MYT1L: variants seen among roughly 807,000 people sequenced by gnomAD.
MYT1L encodes myelin transcription factor 1 like.
A neutral mutation model predicts 126.7 loss-of-function variants in MYT1L; 12 were observed. The observed-to-expected ratio is 0.09, with a 90% CI of 0.06 to 0.15. The LOEUF (loss-of-function observed/expected upper bound fraction) is 0.15. Ranked by LOEUF, MYT1L falls within the 10% of genes least tolerant of loss-of-function variation. The probability of loss-of-function intolerance (pLI) is 1.00; values close to 1 mark genes in which losing one functional copy is unlikely to be tolerated. For missense variants in MYT1L, 979 were observed against 1,585.2 expected (o/e 0.62, Z 6.49); for synonymous variants, 541 against 604.2 (o/e 0.90, Z 1.53).
intron 2 of MYT1L, among the ~76,000 whole-genome samples, chr2:2,174,968 A>G (rs963444418): frequency 3.9e-5 from 6 of 152,088 alleles, no homozygotes; most frequent in African/African-American, 1.5e-4. Context: ...GGCACCTGAT[A>G]TGAATCCCCA....
intron 2 of MYT1L, among the ~76,000 whole-genome samples, chr2:2,243,139 G>T (rs1002129622): frequency 5.9e-5 from 9 of 152,182 alleles, no homozygotes; most frequent in Non-Finnish European, 1.3e-4. Flanking sequence ...CCTGAAGTTG[G>T]AAAACCAAAG....
In MYT1L at chr2:1,979,691, C is replaced by T. The variant is rs375886265; in HGVS notation, c.55+32G>A. 120 of 1,613,696 alleles carry T rather than the reference C, an allele frequency of 7.4e-5. No individual in the cohort carries two copies. The highest frequency in any genetic ancestry group is 1.6e-4 in the Middle Eastern group (1 of 6,062). ...CCGCAGGATGAAGGTGACCCTGAGC[C>T]GGCCTCAGGATGCAGGGAAGCGCGG... On this transcript the variant is annotated intron_variant, in intron 6 of 24. Transcript: ENST00000647738. This position sits in a 1 kb window ranked among gnomAD's most constrained non-coding sequence, Gnocchi z 4.0.
chr2:2,125,113 T>C (rs2147944265), intron 3 of MYT1L, among the ~76,000 whole-genome samples: 1 of 152,338 alleles, frequency 6.6e-6, no homozygotes, highest in Admixed American at 6.5e-5. Flanking sequence ...CCTCTCATCC[T>C]GCTTTTCTCT....
In MYT1L at chr2:1,902,372, G is replaced by A. The variant is rs80234801; in HGVS notation, c.2032+708C>T. ...ACAAGCCAGCAGGGGACGAAGCTAC[G>A]GCTCTGCCGGCAGCACCCCAGGCTG... On this transcript the variant is annotated intron_variant, in intron 14 of 24. Coordinates refer to ENST00000647738, the MANE Select transcript of MYT1L (RefSeq NM_001303052.2). Among the ~76,000 whole-genome samples, 1,226 of 152,300 alleles carry A rather than the reference G, an allele frequency of 8.0e-3. 16 individuals carry two copies. The highest frequency in any genetic ancestry group is 0.028 in the African/African-American group (1,180 of 41,554).
chr2:2,021,444 A>G (rs1359990533), intron 4 of MYT1L, among the ~76,000 whole-genome samples: 1 of 152,162 alleles, frequency 6.6e-6, no homozygotes, highest in Non-Finnish European at 1.5e-5. Flanking sequence ...TCTGGGGCCT[A>G]GTCCTTTCTG....
At chr2:1,995,861 G>A (rs1342392851) in intron 5 of MYT1L, among the ~76,000 whole-genome samples, 1 of 152,194 alleles carries the variant, frequency 6.6e-6, no homozygotes, top group Non-Finnish European at 1.5e-5. Context: ...GCCTAGGACT[G>A]CCCCAGGGGA....
At chr2:2,160,081 T>C (rs1266017906) in intron 3 of MYT1L, among the ~76,000 whole-genome samples, 2 of 152,130 alleles carry the variant, frequency 1.3e-5, no homozygotes, top group Admixed American at 6.5e-5. Flanking sequence ...ATCAACCTCA[T>C]GGGGTGTGGA....
intron 3 of MYT1L, among the ~76,000 whole-genome samples, chr2:2,054,977 T>C (rs920348124): frequency 1.3e-5 from 2 of 152,148 alleles, no homozygotes; most frequent in Non-Finnish European, 2.9e-5. Context: ...CAAGAGATGA[T>C]GAGATGCATG....
chr2:2,137,370 C>T (rs1475947021), intron 3 of MYT1L, among the ~76,000 whole-genome samples: 2 of 152,198 alleles, frequency 1.3e-5, no homozygotes. Context: ...AAAAAAGAGC[C>T]TGCATCACCA....
chr2:1,955,670 G>C (rs1268685152), intron 8 of MYT1L, among the ~76,000 whole-genome samples: 1 of 152,144 alleles, frequency 6.6e-6, no homozygotes, highest in Non-Finnish European at 1.5e-5. Flanking sequence ...TTTGCTCCAT[G>C]GTATCTCCCC....
intron 4 of MYT1L, among the ~76,000 whole-genome samples, chr2:2,049,947 G>A (rs1045652337): frequency 3.7e-4 from 54 of 147,068 alleles, no homozygotes; most frequent in African/African-American, 1.1e-3. Context: ...ACTTATATAC[G>A]TGTGTGTGTG....
At position 2,299,366 on chromosome 2, in the gene MYT1L, C is replaced by A. The variant is rs79590775; in HGVS notation, c.-520-14863G>T. Among the ~76,000 whole-genome samples, 469 of 152,368 alleles carry A rather than the reference C, an allele frequency of 3.1e-3. 2 individuals carry two copies. The highest frequency in any genetic ancestry group is 0.011 in the African/African-American group (447 of 41,594). On this transcript the variant is annotated intron_variant, in intron 1 of 24. Transcript: ENST00000647738. ...CAGCAGGGACCCATGTCAGAGGTCACTGGAGAGCCCCATGGATGCCTGCGG... is the reference window on the plus strand; with the variant it reads ...CAGCAGGGACCCATGTCAGAGGTCAATGGAGAGCCCCATGGATGCCTGCGG...
intron 8 of MYT1L, among the ~76,000 whole-genome samples, chr2:1,973,373 A>C (rs1313243226): frequency 6.6e-6 from 1 of 152,216 alleles, no homozygotes; most frequent in Non-Finnish European, 1.5e-5. Context: ...CAGCAAGTTG[A>C]CCATTATTTT....
intron 4 of MYT1L, among the ~76,000 whole-genome samples, chr2:2,009,894 A>C (rs1414151521): frequency 6.9e-6 from 1 of 145,326 alleles, no homozygotes; most frequent in Admixed American, 6.8e-5. Flanking sequence ...CTAAACTGTT[A>C]AGAGTTTTTT....
At chr2:2,320,335 G>A (rs962991554) in intron 1 of MYT1L, among the ~76,000 whole-genome samples, 2 of 152,052 alleles carry the variant, frequency 1.3e-5, no homozygotes, top group African/African-American at 4.8e-5. Context: ...GCTTTGTCTT[G>A]CGAAAGTGCT....
intron 4 of MYT1L, among the ~76,000 whole-genome samples, chr2:2,013,299 C>A (rs1413641878): frequency 6.6e-6 from 1 of 152,124 alleles, no homozygotes; most frequent in South Asian, 2.1e-4. Flanking sequence ...AGGCTTCCCT[C>A]GAATGACGCA....
chr2:2,181,831 G>A (rs2091567277), intron 2 of MYT1L, among the ~76,000 whole-genome samples: 1 of 152,126 alleles, frequency 6.6e-6, no homozygotes, highest in Non-Finnish European at 1.5e-5. Context: ...CCACGTTCCA[G>A]CACTTCCATG....
chr2:2,031,696 G>T (rs576702188), intron 4 of MYT1L, among the ~76,000 whole-genome samples: 1 of 139,588 alleles, frequency 7.2e-6, no homozygotes, highest in African/African-American at 2.7e-5. Context: ...TCTAGAAGGA[G>T]GGCCTTATAC....
intron 2 of MYT1L, among the ~76,000 whole-genome samples, chr2:2,187,440 C>T (rs2092291912): frequency 1.3e-5 from 2 of 151,802 alleles, no homozygotes; most frequent in South Asian, 4.2e-4. Context: ...AATTACACGG[C>T]GCGTGCGGGG....
Sources: allele counts gnomAD v4.1 joint callset (sites outside exome capture counted in the v4.1 genomes callset), GRCh38; gene constraint gnomAD v4.1.1; non-coding constraint Gnocchi (gnomAD v3.1); transcripts MANE v1.5; gene names NCBI Gene and HGNC (gene_info 2026-07-23, HGNC 2026-07-21).